Variants in VWA3B observed in about 807,000 individuals in gnomAD.
The protein encoded by VWA3B is von Willebrand factor A domain-containing protein 3B.
VWA3B carries 138 observed loss-of-function variants against 158.3 expected under a neutral mutation model. The ratio of observed to expected loss-of-function variants is 0.87; its 90% CI spans 0.76 to 1.00. The LOEUF is 1.00. Ranked by LOEUF, VWA3B falls within the 50% of genes least tolerant of loss-of-function variation. The pLI is 0.00. For missense variants in VWA3B, 1,555 were observed against 1,565.1 expected (o/e 0.99, Z 0.11); for synonymous variants, 596 against 587.3 (o/e 1.01, Z -0.21).
intron 2 of VWA3B, among the ~76,000 whole-genome samples, chr2:98,113,333 G>T (rs1234624190): frequency 3.3e-5 from 5 of 152,018 alleles, no homozygotes; most frequent in Non-Finnish European, 5.9e-5. Context: ...TGCATACTCA[G>T]TTCCTGCAGT....
intron 8 of VWA3B, among the ~76,000 whole-genome samples, chr2:98,174,756 C>G (rs1293264739): frequency 6.6e-6 from 1 of 152,100 alleles, no homozygotes; most frequent in African/African-American, 2.4e-5. Context: ...CTCAGGAGGG[C>G]CCTAAGCTCT....
At chr2:98,204,205 A>C (rs1682814830) in intron 12 of VWA3B, among the ~76,000 whole-genome samples, 1 of 152,230 alleles carries the variant, frequency 6.6e-6, no homozygotes, top group African/African-American at 2.4e-5. Context: ...TAGTCTGCAA[A>C]TAGACAGTAG....
intron 12 of VWA3B, chr2:98,207,252 C>A: frequency 1.9e-6 from 1 of 515,076 alleles, no homozygotes; most frequent in Non-Finnish European, 3.9e-6. Context: ...ACTCGACTGC[C>A]TCTGCTACTT....
At chr2:98,228,576 G>GC (rs1040249937) in intron 15 of VWA3B, among the ~76,000 whole-genome samples, 24 of 152,234 alleles carry the variant, frequency 1.6e-4, no homozygotes, top group Middle Eastern at 6.8e-3. Flanking sequence ...GTGTGGACGG[G>GC]CCCCCAGACC....
Position 98,125,015 on chromosome 2 carries a change from T to C in VWA3B, c.703-3224T>C, listed in dbSNP as rs1054297231. Reference sequence around the variant, plus strand: ...AAAGGAGCTGAATGGAACTCATGTATTTTATCAAATTCGGTGCAAATCAGC... The same window carrying C: ...AAAGGAGCTGAATGGAACTCATGTACTTTATCAAATTCGGTGCAAATCAGC... On this transcript the variant is annotated intron_variant, in intron 5 of 27. Coordinates refer to ENST00000477737, the MANE Select transcript of VWA3B (RefSeq NM_144992.5). The surrounding 1 kb of genome is among the most constrained non-coding windows in gnomAD (Gnocchi z 4.1). 1.3e-5 allele frequency among the ~76,000 whole-genome samples: 2 copies of C among 152,248 alleles called. No individual in the cohort carries two copies. Among genetic ancestry groups the C allele is most frequent in the African/African-American group, 4.8e-5 (2 of 41,460 alleles).
intron 7 of VWA3B, among the ~76,000 whole-genome samples, chr2:98,149,536 AG>A (rs1429317982): frequency 6.6e-6 from 1 of 152,240 alleles, no homozygotes; most frequent in Non-Finnish European, 1.5e-5. Flanking sequence ...ACCAGTCAGA[AG>A]CTGACATGAA....
At chr2:98,239,413 G>C (rs540646030) in intron 19 of VWA3B, among the ~76,000 whole-genome samples, 2 of 152,224 alleles carry the variant, frequency 1.3e-5, no homozygotes, top group South Asian at 4.1e-4. Context: ...TAGTGTGTTA[G>C]AAACTTGGTT....
In VWA3B at chr2:98,230,179, G is replaced by T. The variant is rs1159415057; in HGVS notation, c.2280G>T (p.Lys760Asn). Reference sequence around the variant, plus strand: ...GACCATGGGGCCTTTCAGATCAAAAGGTTCAGAAAAAGAAAGTCCTTCACG... The same window carrying T: ...GACCATGGGGCCTTTCAGATCAAAATGTTCAGAAAAAGAAAGTCCTTCACG... The part of the protein sequence containing the change: ...LKGPWGLSDQ[K>N]VQKKKVLHAE... Residue 760 changes from lysine to asparagine, a missense_variant, in exon 16 of 28, where the codon AAG becomes AAT. Physicochemically the swap from Lys to Asn is moderately conservative, Grantham distance 94. Transcript: ENST00000477737. The T allele has an allele frequency of 2.5e-6, 4 of 1,584,410 alleles. No homozygotes were observed. The African/African-American group carries it at 5.5e-5, about 22-fold the overall frequency.
intron 14 of VWA3B, among the ~76,000 whole-genome samples, chr2:98,222,002 A>G (rs867337679): frequency 6.6e-6 from 1 of 152,164 alleles, no homozygotes; most frequent in South Asian, 2.1e-4. Flanking sequence ...GGTGTTAGTA[A>G]TGGGAAGCCT....
intron 12 of VWA3B, chr2:98,206,894 T>C: frequency 2.4e-6 from 1 of 417,718 alleles, no homozygotes; most frequent in Non-Finnish European, 4.7e-6. Context: ...TATTATGAAA[T>C]GACTGAGTCT....
At chr2:98,137,285 C>T (rs1204666563) in intron 7 of VWA3B, among the ~76,000 whole-genome samples, 1 of 152,158 alleles carries the variant, frequency 6.6e-6, no homozygotes, top group Non-Finnish European at 1.5e-5. Flanking sequence ...CACAAAGTTC[C>T]CACATCCTGG....
intron 14 of VWA3B, among the ~76,000 whole-genome samples, chr2:98,223,629 CT>C (rs1186789605): frequency 6.6e-6 from 1 of 152,172 alleles, no homozygotes; most frequent in Non-Finnish European, 1.5e-5. Context: ...AGCAGACTTC[CT>C]GTTCAAGACC....
intron 25 of VWA3B, 107 bp from the exon 26 acceptor site, chr2:98,303,595 G>A: frequency 9.9e-7 from 1 of 1,005,784 alleles, no homozygotes; most frequent in Non-Finnish European, 1.5e-6. Context: ...ACCCTGAATA[G>A]GATAATGACT....
intron 1 of VWA3B, among the ~76,000 whole-genome samples, chr2:98,091,846 C>T (rs1682314606): frequency 6.6e-6 from 1 of 152,186 alleles, no homozygotes; most frequent in Non-Finnish European, 1.5e-5. Flanking sequence ...ATTGTGAATT[C>T]TGGATACAGA....
intron 1 of VWA3B, among the ~76,000 whole-genome samples, chr2:98,088,477 A>G (rs1453510883): frequency 6.6e-6 from 1 of 152,018 alleles, no homozygotes; most frequent in East Asian, 1.9e-4. Flanking sequence ...ATTTTCCCCA[A>G]AGCTTTGCCT....
chr2:98,190,928 A>AT (rs2105408581), intron 10 of VWA3B, among the ~76,000 whole-genome samples: 1 of 152,020 alleles, frequency 6.6e-6, no homozygotes, highest in Admixed American at 6.5e-5. Context: ...TTTCTCAAAT[A>AT]TTTTTTCTGC....
chr2:98,191,636 C>T (rs1681583541), intron 10 of VWA3B, among the ~76,000 whole-genome samples: 1 of 152,190 alleles, frequency 6.6e-6, no homozygotes, highest in South Asian at 2.1e-4. Flanking sequence ...GATTTTCCTA[C>T]TCTGGCTGGT....
rs1161764580 is a variant in VWA3B at position 98,275,940 on chromosome 2, G to C, written c.3045+5057G>C. The stretch of plus-strand genomic sequence containing the variant: ...GGGAAGGCAGGGAGAAAGAAGGTGG[G>C]AACATCAGGTGAGCCAGTGCAGGAG... On this transcript the variant is annotated intron_variant, in intron 22 of 27. Transcript: ENST00000477737. 2.6e-5 allele frequency among the ~76,000 whole-genome samples: 4 copies of C among 152,220 alleles called. No individual in the cohort carries two copies. The East Asian group carries it at 7.7e-4, about 29-fold the overall frequency.
chr2:98,222,464 G>A (rs746334634), intron 14 of VWA3B, among the ~76,000 whole-genome samples: 46 of 152,204 alleles, frequency 3.0e-4, no homozygotes, highest in Non-Finnish European at 2.1e-4. Context: ...GGGAAGCCTC[G>A]TTGTCTCTGC....
Sources: allele counts gnomAD v4.1 joint callset (sites outside exome capture counted in the v4.1 genomes callset), GRCh38; gene constraint gnomAD v4.1.1; non-coding constraint Gnocchi (gnomAD v3.1); transcripts MANE v1.5; gene names NCBI Gene and HGNC (gene_info 2026-07-23, HGNC 2026-07-21).